The following DTWD2 variants were observed in gnomAD, a reference collection of about 807,000 sequenced individuals.
DTWD2 encodes tRNA-uridine aminocarboxypropyltransferase 2.
DTWD2 carries 39 observed loss-of-function variants against 31.8 expected under a neutral mutation model. The observed-to-expected ratio is 1.22, with a 90% CI of 0.95 to 1.60. The LOEUF (loss-of-function observed/expected upper bound fraction) is 1.60. Ranked by LOEUF, DTWD2 falls within the 40% of genes most tolerant of loss-of-function variation. DTWD2 has a pLI of 0.00. For synonymous variants in DTWD2, 180 were observed against 142.8 expected (o/e 1.26, Z -1.86); for missense variants, 515 against 381.5 (o/e 1.35, Z -2.92).
chr5:118,960,525 C>T (rs1210740265), intron 1 of DTWD2, among the ~76,000 whole-genome samples: 1 of 152,156 alleles, frequency 6.6e-6, no homozygotes, highest in African/African-American at 2.4e-5. Flanking sequence ...TTAGCAATTT[C>T]TCAAAGAACT....
intron 4 of DTWD2, among the ~76,000 whole-genome samples, chr5:118,912,531 C>A (rs1024853586): frequency 3.9e-5 from 6 of 152,240 alleles, no homozygotes; most frequent in African/African-American, 1.4e-4. Context: ...ACATGCGGAG[C>A]TTTTTCTCAC....
At chr5:118,877,677 G>T (rs1047496333) in intron 4 of DTWD2, among the ~76,000 whole-genome samples, 1 of 151,926 alleles carries the variant, frequency 6.6e-6, no homozygotes, top group African/African-American at 2.4e-5. Flanking sequence ...AGTATTTGAC[G>T]TCCAGGCCAG....
intron 3 of DTWD2, among the ~76,000 whole-genome samples, chr5:118,935,533 C>T (rs541154268): frequency 6.6e-6 from 1 of 152,256 alleles, no homozygotes; most frequent in Non-Finnish European, 1.5e-5. Flanking sequence ...TGCTTGCTCG[C>T]TCGCTTGCTT....
At chr5:118,961,413 C>G (rs980123048) in intron 1 of DTWD2, among the ~76,000 whole-genome samples, 2 of 152,174 alleles carry the variant, frequency 1.3e-5, no homozygotes, top group African/African-American at 4.8e-5. Flanking sequence ...TTAAATATTA[C>G]TTAGACATGT....
At chr5:118,925,951 A>G (rs186440484) in intron 4 of DTWD2, among the ~76,000 whole-genome samples, 16 of 150,972 alleles carry the variant, frequency 1.1e-4, no homozygotes, top group Non-Finnish European at 1.9e-4. Context: ...ACACATAAAC[A>G]AAGTGTGATG....
intron 4 of DTWD2, among the ~76,000 whole-genome samples, chr5:118,907,141 T>A (rs1753350435): frequency 6.6e-6 from 1 of 152,240 alleles, no homozygotes; most frequent in Admixed American, 6.5e-5. Context: ...AAGTGGACCA[T>A]GAAGTATATT....
intron 1 of DTWD2, among the ~76,000 whole-genome samples, chr5:118,949,909 C>T (rs960210713): frequency 6.6e-6 from 1 of 152,194 alleles, no homozygotes; most frequent in South Asian, 2.1e-4. Context: ...AAGGAGTGCA[C>T]AAAAGAATAT....
chr5:118,896,825 T>G (rs559585566), intron 4 of DTWD2, among the ~76,000 whole-genome samples: 25 of 152,256 alleles, frequency 1.6e-4, no homozygotes, highest in African/African-American at 5.8e-4. Flanking sequence ...ATGTAGGCAT[T>G]CCAGTCAATG....
At chr5:118,979,183 A>T (rs1257035493) in intron 1 of DTWD2, among the ~76,000 whole-genome samples, 1 of 152,158 alleles carries the variant, frequency 6.6e-6, no homozygotes, top group East Asian at 1.9e-4. Flanking sequence ...GGGCACCTGT[A>T]GTCCCAGCTA....
At chr5:118,841,489 G>T (rs1194310449) in intron 5 of DTWD2, among the ~76,000 whole-genome samples, 3 of 152,124 alleles carry the variant, frequency 2.0e-5, no homozygotes, top group Non-Finnish European at 4.4e-5. Flanking sequence ...ACAAATTAAT[G>T]CAAGCTTACT....
chr5:118,871,569 T>C (rs556085457), intron 4 of DTWD2, among the ~76,000 whole-genome samples: 230 of 152,342 alleles, frequency 1.5e-3, no homozygotes, highest in Non-Finnish European at 2.7e-3. Context: ...TTTATACATC[T>C]TCATCAGATC....
intron 4 of DTWD2, among the ~76,000 whole-genome samples, chr5:118,867,785 G>A (rs1752409372): frequency 6.6e-6 from 1 of 151,966 alleles, no homozygotes; most frequent in African/African-American, 2.4e-5. Flanking sequence ...ACCAATAAAT[G>A]GAAAAATACC....
chr5:118,934,244 G>A (rs1361286852), intron 3 of DTWD2, among the ~76,000 whole-genome samples: 4 of 134,160 alleles, frequency 3.0e-5, no homozygotes, highest in Non-Finnish European at 6.2e-5. Context: ...AGACTGGCCT[G>A]GGCAACATAG....
chr5:118,907,464 C>T (rs1753360369), intron 4 of DTWD2, among the ~76,000 whole-genome samples: 1 of 152,150 alleles, frequency 6.6e-6, no homozygotes, highest in Non-Finnish European at 1.5e-5. Flanking sequence ...GGCATGGTGG[C>T]TCACACCTGT....
chr5:118,940,508 T>C (rs756159815), intron 2 of DTWD2, among the ~76,000 whole-genome samples: 10 of 152,260 alleles, frequency 6.6e-5, no homozygotes, highest in South Asian at 2.1e-4. Flanking sequence ...TTTCTTCTGG[T>C]AGTTATCTCC....
At chr5:118,848,018 C>G (rs1270491510) in intron 5 of DTWD2, 72 bp downstream of exon 5, 2 of 1,381,598 alleles carry the variant, frequency 1.4e-6, no homozygotes, top group South Asian at 1.9e-5. Context: ...ATTTAACAAG[C>G]ATGTCTAAAT....
intron 5 of DTWD2, among the ~76,000 whole-genome samples, chr5:118,846,339 C>T (rs1751852382): frequency 6.6e-6 from 1 of 152,058 alleles, no homozygotes; most frequent in Admixed American, 6.6e-5. Context: ...CCACTATTAC[C>T]ATAACCACCA....
intron 4 of DTWD2, among the ~76,000 whole-genome samples, chr5:118,851,540 C>G (rs1369880911): frequency 6.6e-6 from 1 of 151,768 alleles, no homozygotes; most frequent in Non-Finnish European, 1.5e-5. Context: ...TCTGAGGAAA[C>G]AGGGCAAGGA....
chr5:118,922,672 A>T (rs533574801), intron 4 of DTWD2, among the ~76,000 whole-genome samples: 1 of 152,252 alleles, frequency 6.6e-6, no homozygotes, highest in African/African-American at 2.4e-5. Context: ...TAAACAAAAA[A>T]ATAAGCAAAA....
Sources: gnomAD v4.1 joint callset for allele counts (sites outside exome capture counted in the v4.1 genomes callset) on GRCh38, gnomAD v4.1.1 for gene constraint, MANE v1.5 for transcripts, NCBI Gene and HGNC (gene_info 2026-07-23, HGNC 2026-07-21) for gene names.